COA8: variants seen among roughly 807,000 people sequenced by gnomAD.
COA8 encodes the protein UPF0671 protein C14orf153.
In COA8, 20 loss-of-function variants were observed where a neutral mutation model predicts 22.0. The ratio of observed to expected loss-of-function variants is 0.91; its 90% CI spans 0.64 to 1.32. The LOEUF is 1.32. Among genes scored for constraint, COA8 ranks in the 40% most tolerant of loss-of-function variants. The probability of loss-of-function intolerance (pLI) is 0.00; values close to 1 mark genes in which losing one functional copy is unlikely to be tolerated. For missense variants in COA8, 266 were observed against 230.0 expected, an observed-to-expected ratio of 1.16 and a Z score of -1.01; for synonymous variants, 105 against 79.9, an observed-to-expected ratio of 1.31 and a Z score of -1.68.
At chr14:103,587,535 T>C (rs1374404534) in intron 4 of COA8, among the ~76,000 whole-genome samples, 171 bp downstream of exon 4, 1 of 146,082 alleles carries the variant, frequency 6.8e-6, no homozygotes, top group African/African-American at 2.6e-5. Context: ...TGAGACGGAG[T>C]TTCGCTCTCT....
chr14:103,569,378 C>T (rs924355999), intron 1 of COA8, among the ~76,000 whole-genome samples: 8 of 152,244 alleles, frequency 5.3e-5, no homozygotes, highest in African/African-American at 1.9e-4. Context: ...AATATCGGTA[C>T]ACCAGCTTTA....
intron 3 of COA8, among the ~76,000 whole-genome samples, chr14:103,577,519 T>C (rs2076238019): frequency 6.6e-6 from 1 of 152,128 alleles, no homozygotes; most frequent in Non-Finnish European, 1.5e-5. Context: ...TCCAGAAGAA[T>C]TTAGCTACAC....
At chr14:103,582,737 C>CTTTT (rs61102383) in intron 3 of COA8, among the ~76,000 whole-genome samples, 29,080 of 120,004 alleles carry the variant, frequency 0.24, 4,585 homozygotes, top group East Asian at 0.32. Flanking sequence ...TTCACCCTGC[C>CTTTT]TTTTTTTTTT....
intron 1 of COA8, among the ~76,000 whole-genome samples, chr14:103,570,644 A>G (rs1184519190): frequency 6.6e-6 from 1 of 152,174 alleles, no homozygotes; most frequent in Non-Finnish European, 1.5e-5. Flanking sequence ...GAGGCAGGAG[A>G]ATCGCTTGAA....
Position 103,581,586 on chromosome 14 carries a change from G to T in COA8, c.386-5688G>T. 2.5e-6 allele frequency: 1 copy of T among 399,030 alleles called. No individual in the cohort carries two copies. Among genetic ancestry groups the T allele is most frequent in the Non-Finnish European group, 4.4e-6 (1 of 226,408 alleles). The allele number at this position is 399,030 out of a possible 1,614,324, so 24.7% of individuals were successfully genotyped here. On this transcript the variant is annotated intron_variant, in intron 3 of 4. Transcript: ENST00000409074. This position sits in a 1 kb window ranked among gnomAD's most constrained non-coding sequence, Gnocchi z 4.1. ...ATTTTCAGACCCCACTTTACCTCGGGTAACTGAAACCATGGAAAGAAAAAC... is the reference window on the plus strand; with the variant it reads ...ATTTTCAGACCCCACTTTACCTCGGTTAACTGAAACCATGGAAAGAAAAAC...
At chr14:103,570,804 TCTC>T (rs2076178249) in intron 1 of COA8, among the ~76,000 whole-genome samples, 1 of 152,126 alleles carries the variant, frequency 6.6e-6, no homozygotes, top group South Asian at 2.1e-4. Flanking sequence ...CAAATCAGTC[TCTC>T]CTCGCATCTG....
chr14:103,580,669 G>A (rs2076261390), intron 3 of COA8, among the ~76,000 whole-genome samples: 2 of 151,286 alleles, frequency 1.3e-5, no homozygotes, highest in Non-Finnish European at 1.5e-5. Context: ...AATTTTTTTT[G>A]TATTTTTAGT....
intron 3 of COA8, among the ~76,000 whole-genome samples, chr14:103,576,066 G>T (rs2076227914): frequency 6.6e-6 from 1 of 152,068 alleles, no homozygotes; most frequent in Non-Finnish European, 1.5e-5. Context: ...CCAGCACTTT[G>T]GGAGGCTGAG....
intron 1 of COA8, among the ~76,000 whole-genome samples, chr14:103,566,195 G>A (rs551523224): frequency 4.9e-4 from 74 of 152,046 alleles, no homozygotes; most frequent in African/African-American, 1.8e-3. Context: ...ACTGAGGCAG[G>A]CAGATCACCT....
chr14:103,571,226 G>T (rs573378054), intron 1 of COA8, among the ~76,000 whole-genome samples: 1 of 152,140 alleles, frequency 6.6e-6, no homozygotes, highest in South Asian at 2.1e-4. Flanking sequence ...AAAATTAGCC[G>T]GGCGTGGTGA....
chr14:103,586,732 C>T (rs1030283753), intron 3 of COA8, among the ~76,000 whole-genome samples: 1 of 151,358 alleles, frequency 6.6e-6, no homozygotes, highest in Non-Finnish European at 1.5e-5. Flanking sequence ...CCACCCCCCA[C>T]CGGCCCCAGT....
intron 3 of COA8, 31 bp downstream of exon 3, chr14:103,574,201 C>G: frequency 1.3e-6 from 2 of 1,532,826 alleles, no homozygotes; most frequent in East Asian, 2.5e-5. Context: ...GTTTTTTTTG[C>G]TTTCTTTGCG....
At chr14:103,573,580 TCTCA>T (rs1236134543) in intron 2 of COA8, among the ~76,000 whole-genome samples, 6 of 151,694 alleles carry the variant, frequency 4.0e-5, no homozygotes, top group South Asian at 2.1e-4. Flanking sequence ...TGAGACAGAG[TCTCA>T]CTCTGTTGTC....
rs1169699744 is a variant in COA8, at chr14:103,572,774, CA to C, written c.321+967del. Among the ~76,000 whole-genome samples, 189 of 139,578 alleles carry C rather than the reference CA, an allele frequency of 1.4e-3. 1 individual carries two copies. The highest frequency in any genetic ancestry group is 3.3e-3 in the African/African-American group (126 of 38,474). The allele number at this position is 139,578 out of a possible 152,430, so 91.6% of individuals were successfully genotyped here. ...TGTGTTGTCATTCTTCCTGAGAATT[CA>C]AAAAAAAAAAAATTTTTTTCTTTTT... is the stretch of plus-strand genomic sequence containing the variant. On this transcript the variant is annotated intron_variant, in intron 2 of 4. Transcript: ENST00000409074.
chr14:103,589,178 TG>T (rs1313011924), intron 4 of COA8, among the ~76,000 whole-genome samples: 1 of 152,164 alleles, frequency 6.6e-6, no homozygotes, highest in African/African-American at 2.4e-5. Context: ...AAGTGTAGCT[TG>T]CTTTTACATG....
chr14:103,574,275 T>C (rs2076214316), intron 3 of COA8, 105 bp downstream of exon 3: 1 of 1,498,462 alleles, frequency 6.7e-7, no homozygotes, highest in Non-Finnish European at 9.2e-7. Flanking sequence ...TTCAGGGCGG[T>C]CCTTGGCCTG....
At position 103,563,102 on chromosome 14, in the gene COA8, G is replaced by T. The variant is rs534048581; in HGVS notation, c.101G>T (p.Arg34Leu). 4.9e-5 allele frequency: 76 copies of T among 1,539,452 alleles called. No individual in the cohort carries two copies. In the African/African-American group the frequency reaches 9.1e-4, roughly 19 times the overall value. ...CTCGCTCCGGAGCGCGGCGCCGAGC[G>T]CAGGGATACGGCGCCCAGCGGGGTA... ...CQLAPERGAERRDTAPSGVSR... is the reference protein window; with the variant it reads ...CQLAPERGAELRDTAPSGVSR... Residue 34 changes from arginine (R) to leucine (L), a missense_variant, in exon 1 of 5, where the codon CGC becomes CTC. Physicochemically the swap from Arg to Leu is moderately radical, Grantham distance 102. Transcript: ENST00000409074.
At chr14:103,589,054 T>C (rs1194078570) in intron 4 of COA8, among the ~76,000 whole-genome samples, 1 of 152,180 alleles carries the variant, frequency 6.6e-6, no homozygotes, top group Non-Finnish European at 1.5e-5. Context: ...ATGGGCTTCA[T>C]GTTTTCTCTG....
chr14:103,582,816 G>A (rs1052746788), intron 3 of COA8, among the ~76,000 whole-genome samples: 1 of 137,930 alleles, frequency 7.3e-6, no homozygotes, highest in Non-Finnish European at 1.5e-5. Context: ...TAATTCCATG[G>A]CTTTTAGTAG....
Sources: allele counts gnomAD v4.1 joint callset (sites outside exome capture counted in the v4.1 genomes callset), GRCh38; gene constraint gnomAD v4.1.1; non-coding constraint Gnocchi (gnomAD v3.1); transcripts MANE v1.5; gene names NCBI Gene and HGNC (gene_info 2026-07-23, HGNC 2026-07-21).